DEGS2: variants seen among roughly 807,000 people sequenced by gnomAD.
DEGS2 encodes the protein delta 4-desaturase, sphingolipid 2, also known as sphingolipid delta(4)-desaturase/C4-monooxygenase DES2.
Under a neutral mutation model 23.8 loss-of-function variants are expected in DEGS2, and 19 were observed. That is an observed-to-expected ratio of 0.80 (90% CI 0.56 to 1.17). The LOEUF is 1.17. Ranked by LOEUF, DEGS2 falls within the 50% of genes most tolerant of loss-of-function variation. The pLI is 0.00. For synonymous variants in DEGS2, 218 were observed against 213.7 expected, an observed-to-expected ratio of 1.02 and a Z score of -0.18; for missense variants, 390 against 459.5, an observed-to-expected ratio of 0.85 and a Z score of 1.38.
intron 1 of DEGS2, among the ~76,000 whole-genome samples, chr14:100,156,648 A>AAGAGCCC (rs1230023222): frequency 3.3e-5 from 5 of 152,174 alleles, no homozygotes; most frequent in African/African-American, 7.2e-5. Flanking sequence ...CTGTGCCCCA[A>AAGAGCCC]AGAGCCCAGA....
chr14:100,151,181 G>T (rs773133491), intron 1 of DEGS2, among the ~76,000 whole-genome samples: 1 of 152,266 alleles, frequency 6.6e-6, no homozygotes. Context: ...TGCCCGTCAG[G>T]CTGTGGAGTG....
At chr14:100,153,272 TAGATAGATAGATAGATAGATA>T (rs1411023648) in intron 1 of DEGS2, among the ~76,000 whole-genome samples, 1 of 95,944 alleles carries the variant, frequency 1.0e-5, no homozygotes, top group Admixed American at 1.1e-4. Context: ...GATAGATAGA[TAGATAGATAGATAGATAGATA>T]GATAGATAGA....
intron 1 of DEGS2, among the ~76,000 whole-genome samples, chr14:100,155,206 T>A (rs1471970957): frequency 2.6e-5 from 4 of 152,342 alleles, no homozygotes; most frequent in Non-Finnish European, 5.9e-5. Context: ...CGATGCCACC[T>A]GGTGGCCACA....
chr14:100,160,222 G>A (rs1197816332), upstream of DEGS2: 2 of 152,318 alleles, frequency 1.3e-5, no homozygotes, highest in Non-Finnish European at 1.5e-5. Context: ...TCACAGGGAT[G>A]AGTCAGACCC....
chr14:100,165,383 C>T, the DEGS2 span, among the ~76,000 whole-genome samples: 1 of 152,284 alleles, frequency 6.6e-6, no homozygotes, highest in Admixed American at 6.5e-5. Flanking sequence ...CCCCAGCGTT[C>T]GCCCGTGTGT....
intron 1 of DEGS2, among the ~76,000 whole-genome samples, chr14:100,153,919 C>T (rs904586432): frequency 6.6e-6 from 1 of 152,160 alleles, no homozygotes; most frequent in South Asian, 2.1e-4. Context: ...GAAGGGCCCA[C>T]CAAGGTGCAA....
chr14:100,146,784 T>C lies in DEGS2; in HGVS notation c.949A>G (p.Arg317Gly). The change falls in exon 3 of 3, where the codon AGG (arginine) becomes GGG (glycine). Residue 317 changes from arginine to glycine, a missense_variant. Arg to Gly is a moderately radical substitution (Grantham distance 125). Transcript: ENST00000305631. ...GCTCACAGACCATCTTTTGCCAGCC[T>C]GTACACCCGCTTCACCCTGGCATAG... The part of the protein sequence containing the change: ...GPYARVKRVY[R>G]LAKDGL The C allele has an allele frequency of 1.9e-6, 3 of 1,613,688 alleles. No individual in the cohort carries two copies. The South Asian group carries it at 3.3e-5, about 18-fold the overall frequency.
At chr14:100,159,655 G>A (rs1462699335), upstream of DEGS2, 2 of 1,124,174 alleles carry the variant, frequency 1.8e-6, no homozygotes, top group Admixed American at 6.7e-5. Flanking sequence ...CGGCGGCCGC[G>A]GCGCGGAACC....
upstream of DEGS2, chr14:100,160,280 G>C (rs1431883945): frequency 6.6e-6 from 1 of 152,296 alleles, no homozygotes; most frequent in Non-Finnish European, 1.5e-5. Flanking sequence ...CACAGGTACA[G>C]AAGTGGCTGT....
At chr14:100,146,941 T>TCTC (rs779847090) in intron 2 of DEGS2, 34 bp from the exon 3 acceptor site, 1 of 1,598,450 alleles carries the variant, frequency 6.3e-7, no homozygotes, top group African/African-American at 1.3e-5. Context: ...AGGGGCTGGT[T>TCTC]CTCCTCGGGG....
chr14:100,148,919 T>C lies in DEGS2; in HGVS notation c.825+49A>G, dbSNP rs372790221. ...CTTCCAGGGCCCCCACCTCCTCCGA[T>C]GGCTGTGCAGCCCTGCCCCGCCGCA... On this transcript the variant is annotated intron_variant, in intron 2 of 2. Transcript: ENST00000305631. 4.5e-6 allele frequency: 7 copies of C among 1,571,558 alleles called. No homozygotes were observed. In the African/African-American group the frequency reaches 5.4e-5, roughly 12 times the overall value.
chr14:100,165,878 G>T, the DEGS2 span, among the ~76,000 whole-genome samples: 1 of 144,072 alleles, frequency 6.9e-6, no homozygotes, highest in Non-Finnish European at 1.5e-5. Context: ...TCAAAGAGTA[G>T]GGGGAGGCTG....
intron 1 of DEGS2, among the ~76,000 whole-genome samples, chr14:100,153,252 C>T (rs1016900757): frequency 2.0e-5 from 3 of 147,442 alleles, no homozygotes; most frequent in Non-Finnish European, 4.5e-5. Flanking sequence ...ATGGCAAAAA[C>T]AGATAGATAG....
the DEGS2 span, among the ~76,000 whole-genome samples, chr14:100,165,691 C>T: frequency 6.6e-6 from 1 of 152,242 alleles, no homozygotes; most frequent in African/African-American, 2.4e-5. Flanking sequence ...TGAGCTGTGC[C>T]TGCCTCCTTC....
chr14:100,148,427 T>A (rs780144885), intron 2 of DEGS2, among the ~76,000 whole-genome samples: 12 of 152,160 alleles, frequency 7.9e-5, no homozygotes, highest in Non-Finnish European at 1.8e-4. Context: ...GGACGGCTCC[T>A]CCTCCCCCTT....
At chr14:100,161,137 T>C (rs558343628), upstream of DEGS2, among the ~76,000 whole-genome samples, 1 of 152,334 alleles carries the variant, frequency 6.6e-6, no homozygotes, top group East Asian at 1.9e-4. Context: ...GCCCCTGACC[T>C]TTGAATTAAA....
At chr14:100,154,156 G>A (rs1889619515) in intron 1 of DEGS2, among the ~76,000 whole-genome samples, 1 of 152,146 alleles carries the variant, frequency 6.6e-6, no homozygotes, top group South Asian at 2.1e-4. Context: ...CTTGAGGTCA[G>A]GAGTTCAAAA....
At chr14:100,161,238 G>A (rs545855394), upstream of DEGS2, among the ~76,000 whole-genome samples, 3 of 152,352 alleles carry the variant, frequency 2.0e-5, no homozygotes, top group South Asian at 2.1e-4. Context: ...ACAACACCAA[G>A]CCTGCCAGTT....
intron 1 of DEGS2, among the ~76,000 whole-genome samples, chr14:100,155,104 G>A (rs116877549): frequency 0.025 from 3,812 of 152,240 alleles, 82 homozygotes; most frequent in South Asian, 0.078. Context: ...CATGGGAGGT[G>A]CCCGTCACTG....
Sources: allele counts gnomAD v4.1 joint callset (sites outside exome capture counted in the v4.1 genomes callset), GRCh38; gene constraint gnomAD v4.1.1; transcripts MANE v1.5; gene names NCBI Gene and HGNC (gene_info 2026-07-23, HGNC 2026-07-21).